The following DLG2 variants were observed in gnomAD, a reference collection of about 807,000 sequenced individuals.
DLG2 encodes discs large MAGUK scaffold protein 2.
A neutral mutation model predicts 132.5 loss-of-function variants in DLG2; 45 were observed. That is an observed-to-expected ratio of 0.34 (90% CI 0.27 to 0.44). The LOEUF (loss-of-function observed/expected upper bound fraction) is 0.44, where lower values mean the gene tolerates loss of function less well. DLG2 is among the 20% of genes least tolerant of loss of function. DLG2 has a pLI of 1.00. For synonymous variants in DLG2, 424 were observed against 419.6 expected, an observed-to-expected ratio of 1.01 and a Z score of -0.13; for missense variants, 1,045 against 1,196.9, an observed-to-expected ratio of 0.87 and a Z score of 1.87.
chr11:85,012,552 CA>C (rs2059228616), intron 6 of DLG2, among the ~76,000 whole-genome samples: 3 of 151,646 alleles, frequency 2.0e-5, no homozygotes, highest in African/African-American at 7.3e-5. Flanking sequence ...ATGTGATAGG[CA>C]TTATAATTAC....
At chr11:84,653,894 G>T (rs921906119) in intron 6 of DLG2, among the ~76,000 whole-genome samples, 2 of 152,028 alleles carry the variant, frequency 1.3e-5, no homozygotes, top group Admixed American at 6.6e-5. Context: ...AGAGGCATTT[G>T]GCATCTCCAT....
intron 5 of DLG2, among the ~76,000 whole-genome samples, chr11:85,126,004 G>A (rs961223701): frequency 6.6e-6 from 1 of 152,150 alleles, no homozygotes; most frequent in Non-Finnish European, 1.5e-5. Flanking sequence ...TTTAGGAAAG[G>A]TAGTGACATG....
At chr11:85,019,875 C>T (rs2059893958) in intron 6 of DLG2, among the ~76,000 whole-genome samples, 1 of 152,150 alleles carries the variant, frequency 6.6e-6, no homozygotes, top group African/African-American at 2.4e-5. Flanking sequence ...CATTGATGGA[C>T]ATTTGGGTTG....
At chr11:84,762,519 A>C (rs2067775810) in intron 6 of DLG2, among the ~76,000 whole-genome samples, 1 of 152,206 alleles carries the variant, frequency 6.6e-6, no homozygotes, top group Non-Finnish European at 1.5e-5. Flanking sequence ...AAAGGCAAGA[A>C]AACTATTCAT....
At position 84,579,494 on chromosome 11, in the gene DLG2, G is replaced by C. The variant is rs367692209; in HGVS notation, c.358-44763C>G. Among the ~76,000 whole-genome samples the C allele has an allele frequency of 2.0e-5, 3 of 152,304 alleles. No homozygotes were observed. In the South Asian group the frequency reaches 6.2e-4, roughly 32 times the overall value. On this transcript the variant is annotated intron_variant, in intron 6 of 27. Transcript: ENST00000376104. ...GTAGTAATTAATCATGCAGTGAAAA[G>C]AGGAGAGGGAGAACATTTCAAGAAC...
intron 15 of DLG2, among the ~76,000 whole-genome samples, chr11:83,902,062 G>A (rs532913316): frequency 6.6e-6 from 1 of 151,958 alleles, no homozygotes; most frequent in Admixed American, 6.6e-5. Context: ...TTTTATCAAA[G>A]TAATCGTGCT....
intron 10 of DLG2, among the ~76,000 whole-genome samples, chr11:84,093,068 A>T (rs1269733596): frequency 6.6e-6 from 1 of 151,838 alleles, no homozygotes; most frequent in Non-Finnish European, 1.5e-5. Flanking sequence ...AGAAAGAAAG[A>T]AAATTACCAC....
intron 20 of DLG2, among the ~76,000 whole-genome samples, chr11:83,534,561 A>G (rs2095836790): frequency 6.6e-6 from 1 of 152,236 alleles, no homozygotes; most frequent in Admixed American, 6.5e-5. Flanking sequence ...GAATTGCAGA[A>G]TATATTTATT....
chr11:84,651,415 A>G (rs2099681924), intron 6 of DLG2, among the ~76,000 whole-genome samples: 1 of 152,168 alleles, frequency 6.6e-6, no homozygotes, highest in African/African-American at 2.4e-5. Flanking sequence ...GAACTCAGTG[A>G]TACTCTTCAT....
At chr11:83,488,318 A>T (rs2093644583) in intron 21 of DLG2, among the ~76,000 whole-genome samples, 1 of 152,008 alleles carries the variant, frequency 6.6e-6, no homozygotes, top group Non-Finnish European at 1.5e-5. Context: ...TGTGACAGAC[A>T]TTAGAACACC....
At chr11:85,334,164 T>C (rs75408648) in intron 3 of DLG2, among the ~76,000 whole-genome samples, 5,306 of 152,178 alleles carry the variant, frequency 0.035, 143 homozygotes, top group Admixed American at 0.048. Context: ...TCTTGGGACA[T>C]TTTATGGTTC....
chr11:83,758,272 C>A (rs969462016), intron 18 of DLG2, among the ~76,000 whole-genome samples: 8 of 152,048 alleles, frequency 5.3e-5, no homozygotes, highest in African/African-American at 1.9e-4. Context: ...TTCTTGGTCC[C>A]TTTTCAGGCC....
At chr11:83,862,772 C>G (rs534365937) in intron 16 of DLG2, among the ~76,000 whole-genome samples, 2 of 152,216 alleles carry the variant, frequency 1.3e-5, no homozygotes, top group African/African-American at 2.4e-5. Flanking sequence ...GCTTATCTCC[C>G]TTAGTGAAGA....
intron 4 of DLG2, among the ~76,000 whole-genome samples, chr11:85,267,162 G>C (rs78552210): frequency 0.02 from 3,018 of 152,236 alleles, 59 homozygotes; most frequent in Admixed American, 0.037. Flanking sequence ...TCATGAATAG[G>C]ATAAGTACCC....
At chr11:85,534,262 T>C (rs1158601317) in intron 3 of DLG2, among the ~76,000 whole-genome samples, 1 of 152,186 alleles carries the variant, frequency 6.6e-6, no homozygotes. Flanking sequence ...CTCAGTATTT[T>C]AGAAAGCAAT....
chr11:83,930,851 T>C (rs114408900), intron 14 of DLG2, among the ~76,000 whole-genome samples: 2,678 of 152,288 alleles, frequency 0.018, 52 homozygotes, highest in East Asian at 0.073. Context: ...TGGGTGGAGC[T>C]TCACTGGTCA....
At chr11:84,814,625 C>T (rs555085651) in intron 6 of DLG2, among the ~76,000 whole-genome samples, 1 of 152,188 alleles carries the variant, frequency 6.6e-6, no homozygotes, top group South Asian at 2.1e-4. Context: ...CATCATGCTT[C>T]TCATCTCTGA....
chr11:84,353,132 TA>T, intron 7 of DLG2, among the ~76,000 whole-genome samples: 1 of 152,192 alleles, frequency 6.6e-6, no homozygotes, highest in East Asian at 1.9e-4. Context: ...GAGTTTTCTC[TA>T]CTCTCTCCAT....
chr11:84,803,952 A>C (rs1328006980), intron 6 of DLG2, among the ~76,000 whole-genome samples: 1 of 152,224 alleles, frequency 6.6e-6, no homozygotes, highest in East Asian at 1.9e-4. Context: ...ACACAGGTAC[A>C]GAAAAGCATG....
Sources: gnomAD v4.1 joint callset for allele counts (sites outside exome capture counted in the v4.1 genomes callset) on GRCh38, gnomAD v4.1.1 for gene constraint, MANE v1.5 for transcripts, NCBI Gene and HGNC (gene_info 2026-07-23, HGNC 2026-07-21) for gene names.